The following DYRK1A variants were observed in gnomAD, a reference collection of about 807,000 sequenced individuals.
DYRK1A encodes dual specificity tyrosine phosphorylation regulated kinase 1A.
In DYRK1A, 9 loss-of-function variants were observed where a neutral mutation model predicts 79.7. The ratio of observed to expected loss-of-function variants is 0.11; its 90% CI spans 0.07 to 0.20. The LOEUF is 0.20. Among genes scored for constraint, DYRK1A ranks in the 10% least tolerant of loss-of-function variants. DYRK1A has a pLI of 1.00. For missense variants in DYRK1A, 622 were observed against 956.0 expected, an observed-to-expected ratio of 0.65 and a Z score of 4.61; for synonymous variants, 349 against 329.7, an observed-to-expected ratio of 1.06 and a Z score of -0.63.
intron 2 of DYRK1A, among the ~76,000 whole-genome samples, chr21:37,447,323 T>G (rs1254903735): frequency 6.6e-6 from 1 of 152,138 alleles, no homozygotes. Context: ...TAAATATATT[T>G]TATGATACTA....
chr21:37,459,276 A>G (rs530128904), intron 2 of DYRK1A, among the ~76,000 whole-genome samples: 2 of 152,352 alleles, frequency 1.3e-5, no homozygotes, highest in African/African-American at 4.8e-5. Flanking sequence ...AGTTGGAATG[A>G]CTTGAGCCAT....
intron 6 of DYRK1A, chr21:37,488,877 A>G (rs2052972616): frequency 9.1e-6 from 9 of 985,166 alleles, no homozygotes; most frequent in African/African-American, 1.7e-5. Context: ...TCATGGAACT[A>G]TGTTTTTAGT....
intron 1 of DYRK1A, among the ~76,000 whole-genome samples, chr21:37,386,242 T>G (rs1300326268): frequency 6.6e-6 from 1 of 152,090 alleles, no homozygotes; most frequent in Non-Finnish European, 1.5e-5. Flanking sequence ...GTAATACTAA[T>G]AGAAATAAAG....
In DYRK1A at chr21:37,525,966, A is replaced by G. The variant is rs925589896; in HGVS notation, c.*13435A>G. 2.0e-5 allele frequency: 3 copies of G among 152,228 alleles called. No individual in the cohort carries two copies. Among genetic ancestry groups the G allele is most frequent in the Admixed American group, 2.0e-4 (3 of 15,278 alleles). The allele number at this position is 152,228 out of a possible 1,614,324, so 9.4% of individuals were successfully genotyped here. ...GCTGCAGACTTGATAGTGTTTCTTA[A>G]GGAATTCAGCCTAAACCACAAGATA... On this transcript the variant is annotated 3_prime_UTR_variant, in exon 12 of 12. Coordinates refer to ENST00000647188, the MANE Select transcript of DYRK1A (RefSeq NM_001347721.2).
Position 37,472,874 on chromosome 21 carries a change from T to C in DYRK1A, c.201T>C (p.Thr67=), listed in dbSNP as rs1415939663. The change falls in exon 3 of 12, where the codon ACT becomes ACC. Residue 67 remains threonine, a synonymous_variant. Coordinates refer to ENST00000647188, the MANE Select transcript of DYRK1A (RefSeq NM_001347721.2). The part of the protein sequence containing the change: ...SYSDQIQQPL[T]NQRRMPQTFR... ...CTGACCAGATTCAGCAACCTCTAAC[T>C]AACCAGGTAAGTTCATGGAGTATCA... is the stretch of plus-strand genomic sequence containing the variant. 3.8e-6 allele frequency: 6 copies of C among 1,566,976 alleles called. No individual in the cohort carries two copies. The highest frequency in any genetic ancestry group is 5.2e-6 in the Non-Finnish European group (6 of 1,149,504).
At chr21:37,365,621 G>A (rs560635675), upstream of DYRK1A, 25 of 152,314 alleles carry the variant, frequency 1.6e-4, no homozygotes, top group African/African-American at 5.5e-4. Context: ...TACATAGCTA[G>A]GGAGAAGGGG....
intron 1 of DYRK1A, among the ~76,000 whole-genome samples, chr21:37,371,677 A>G (rs745514566): frequency 2.0e-5 from 3 of 152,190 alleles, no homozygotes; most frequent in Non-Finnish European, 2.9e-5. Context: ...TTTGGGGCAG[A>G]TGCTCATATC....
At chr21:37,417,277 G>A (rs71332579) in intron 1 of DYRK1A, among the ~76,000 whole-genome samples, 21,038 of 151,670 alleles carry the variant, frequency 0.14, 1,585 homozygotes, top group Middle Eastern at 0.16. Flanking sequence ...TGCAGCCTCC[G>A]CCTCCTGATT....
intron 1 of DYRK1A, among the ~76,000 whole-genome samples, chr21:37,377,181 G>A (rs1431956901): frequency 6.6e-6 from 1 of 152,006 alleles, no homozygotes; most frequent in African/African-American, 2.4e-5. Context: ...GTGCAGTGGC[G>A]CAATCTCGGC....
intron 2 of DYRK1A, among the ~76,000 whole-genome samples, chr21:37,442,665 C>T (rs963482477): frequency 6.6e-6 from 1 of 152,056 alleles, no homozygotes; most frequent in African/African-American, 2.4e-5. Context: ...ATTTGAATTC[C>T]TGGCCTCAAG....
rs922675057 is a variant in DYRK1A at position 37,504,498 on chromosome 21, G to A, written c.1213-785G>A. The A allele has an allele frequency of 2.6e-5, 4 of 152,276 alleles. No individual in the cohort carries two copies. The East Asian group carries it at 7.7e-4, about 29-fold the overall frequency. 9.4% of individuals were successfully genotyped at this position (152,276 alleles called of 1,614,324 possible). On this transcript the variant is annotated intron_variant, in intron 9 of 11. Coordinates refer to ENST00000647188, the MANE Select transcript of DYRK1A (RefSeq NM_001347721.2). Reference sequence around the variant, plus strand: ...ACAGCTCTCTGATGGGTCTTTAAAAGGCAGTGATTTTATGACTTATTAGAG... The same window carrying A: ...ACAGCTCTCTGATGGGTCTTTAAAAAGCAGTGATTTTATGACTTATTAGAG...
intron 9 of DYRK1A, among the ~76,000 whole-genome samples, chr21:37,496,754 T>TA (rs1198543945): frequency 6.6e-6 from 1 of 152,206 alleles, no homozygotes; most frequent in Non-Finnish European, 1.5e-5. Context: ...GGTCCTTTGA[T>TA]AGACTTCAGA....
chr21:37,418,873 T>C (rs2050409707), intron 1 of DYRK1A: 1 of 152,198 alleles, frequency 6.6e-6, no homozygotes, highest in South Asian at 2.1e-4. Context: ...ATCTGGAATA[T>C]AGGCAAAGAT....
chr21:37,369,281 C>G (rs532388541), intron 1 of DYRK1A, among the ~76,000 whole-genome samples: 1 of 152,248 alleles, frequency 6.6e-6, no homozygotes, highest in South Asian at 2.1e-4. Context: ...TGATCAGTTA[C>G]TTTAGGATAA....
intron 7 of DYRK1A, among the ~76,000 whole-genome samples, chr21:37,492,210 G>T (rs2053120935): frequency 6.6e-6 from 1 of 152,182 alleles, no homozygotes; most frequent in African/African-American, 2.4e-5. Context: ...CCTACCTGTG[G>T]AGGCCTGAGA....
chr21:37,408,320 A>T lies in DYRK1A; in HGVS notation c.-76-11979A>T, dbSNP rs141068166. Among the ~76,000 whole-genome samples, 271 of 152,258 alleles carry T rather than the reference A, an allele frequency of 1.8e-3. 2 individuals carry two copies. The highest frequency in any genetic ancestry group is 5.9e-3 in the African/African-American group (246 of 41,562). ...TACTCCTGCTTTAATTTTTCGAAAA[A>T]CTCAATGGCAAGAAACTGAAAACAT... On this transcript the variant is annotated intron_variant, in intron 1 of 11. Coordinates refer to ENST00000647188, the MANE Select transcript of DYRK1A (RefSeq NM_001347721.2).
At position 37,474,256 on chromosome 21, in the gene DYRK1A, A is replaced by T. The variant is rs149338514; in HGVS notation, c.207+1376A>T. Among the ~76,000 whole-genome samples the T allele has an allele frequency of 3.4e-3, 520 of 152,296 alleles. 1 individual carries two copies. The highest frequency in any genetic ancestry group is 0.012 in the African/African-American group (488 of 41,560). On this transcript the variant is annotated intron_variant, in intron 3 of 11. Transcript: ENST00000647188. Reference sequence around the variant, plus strand: ...TTTTTATCATTATATTATTTTAGTAAATAATTTAATTAACAAAGCACCTAT... The same window carrying T: ...TTTTTATCATTATATTATTTTAGTATATAATTTAATTAACAAAGCACCTAT...
chr21:37,494,605 C>T (rs964483445), intron 8 of DYRK1A, among the ~76,000 whole-genome samples: 1 of 152,090 alleles, frequency 6.6e-6, no homozygotes, highest in Non-Finnish European at 1.5e-5. Context: ...AGTACCCCTT[C>T]TCCTCATCCC....
chr21:37,441,334 T>G (rs1327940310), intron 2 of DYRK1A, among the ~76,000 whole-genome samples: 2 of 152,182 alleles, frequency 1.3e-5, no homozygotes, highest in Non-Finnish European at 2.9e-5. Context: ...TTGTTCCTGG[T>G]CTGAAATCTC....
Sources: allele counts gnomAD v4.1 joint callset (sites outside exome capture counted in the v4.1 genomes callset), GRCh38; gene constraint gnomAD v4.1.1; transcripts MANE v1.5; gene names NCBI Gene and HGNC (gene_info 2026-07-23, HGNC 2026-07-21).